Variants in MAP4K3 observed in about 807,000 individuals in gnomAD.
The protein encoded by MAP4K3 is mitogen-activated protein kinase kinase kinase kinase 3.
MAP4K3 carries 94 observed loss-of-function variants against 143.5 expected under a neutral mutation model. That is an observed-to-expected ratio of 0.65 (90% CI 0.55 to 0.78). MAP4K3 has a LOEUF of 0.78. Among genes scored for constraint, MAP4K3 ranks in the 30% least tolerant of loss-of-function variants. The probability of loss-of-function intolerance (pLI) is 0.00; values close to 1 mark genes in which losing one functional copy is unlikely to be tolerated. For missense variants in MAP4K3, 1,077 were observed against 1,068.1 expected (o/e 1.01, Z -0.12); for synonymous variants, 416 against 347.2 (o/e 1.20, Z -2.20).
Position 39,340,860 on chromosome 2 carries a change from A to G in MAP4K3, c.310+2528T>C, listed in dbSNP as rs369057578. ...GTTCTAATACAGCTGTAAAATCAGTAAACTGGAAGATAGATATGAGTATCT... is the reference window on the plus strand; with the variant it reads ...GTTCTAATACAGCTGTAAAATCAGTGAACTGGAAGATAGATATGAGTATCT... On this transcript the variant is annotated intron_variant, in intron 4 of 33. Transcript: ENST00000263881. 5.3e-5 allele frequency among the ~76,000 whole-genome samples: 8 copies of G among 152,326 alleles called. No homozygotes were observed. The East Asian group carries it at 1.2e-3, about 22-fold the overall frequency.
At chr2:39,295,083 T>C (rs1026960941) in intron 16 of MAP4K3, among the ~76,000 whole-genome samples, 1 of 151,940 alleles carries the variant, frequency 6.6e-6, no homozygotes, top group Non-Finnish European at 1.5e-5. Flanking sequence ...ACTAATATTA[T>C]TTTGTCTCAT....
intron 13 of MAP4K3, among the ~76,000 whole-genome samples, chr2:39,312,912 GC>G (rs1436339767): frequency 6.6e-6 from 1 of 152,144 alleles, no homozygotes; most frequent in Non-Finnish European, 1.5e-5. Context: ...CTGTGAACAT[GC>G]CCATTTCTCC....
At chr2:39,382,052 T>C (rs1014980543) in intron 1 of MAP4K3, among the ~76,000 whole-genome samples, 1 of 152,216 alleles carries the variant, frequency 6.6e-6, no homozygotes, top group Non-Finnish European at 1.5e-5. Flanking sequence ...TCTGGGAAAG[T>C]ACTAACTTTC....
Position 39,325,601 on chromosome 2 carries a change from G to C in MAP4K3, c.835C>G (p.Arg279Gly). Residue 279 changes from arginine to glycine, a missense_variant, in exon 12 of 34, where the codon CGG becomes GGG. By Grantham distance (125) the Arg-to-Gly change is moderately radical. Coordinates refer to ENST00000263881, the MANE Select transcript of MAP4K3 (RefSeq NM_003618.4). ...TCCAACAGCTCGATTGCCAAAGACC[G>C]TGTCAAATGTTGTGTTACAAAAGGA... Reference protein sequence around the residue: ...QHPFVTQHLTRSLAIELLDKV... With the variant: ...QHPFVTQHLTGSLAIELLDKV... 1 of 1,612,974 alleles carries C rather than the reference G, an allele frequency of 6.2e-7. No individual in the cohort carries two copies. The highest frequency in any genetic ancestry group is 8.5e-7 in the Non-Finnish European group (1 of 1,179,454).
intron 24 of MAP4K3, among the ~76,000 whole-genome samples, chr2:39,277,476 C>T (rs1377370499): frequency 1.3e-5 from 2 of 152,176 alleles, no homozygotes; most frequent in East Asian, 3.8e-4. Flanking sequence ...GGTTTATACA[C>T]CTGTTTTCCC....
chr2:39,271,100 T>C (rs1327451202), intron 26 of MAP4K3, among the ~76,000 whole-genome samples: 1 of 152,148 alleles, frequency 6.6e-6, no homozygotes, highest in Non-Finnish European at 1.5e-5. Flanking sequence ...TGATCCAGGA[T>C]TTAAATTCAA....
chr2:39,331,953 A>G lies in MAP4K3; in HGVS notation c.494T>C (p.Ile165Thr). The change falls in exon 8 of 34, where the codon ATT becomes ACT. Residue 165 changes from isoleucine (I) to threonine (T), a missense_variant. Transcript: ENST00000263881. Reference sequence around the variant, plus strand: ...GCCAATGAAAGACTTCCGTTTGGCAATTGTAGCTGTTATCTGTGCAGATAC... The same window carrying G: ...GCCAATGAAAGACTTCCGTTTGGCAGTTGTAGCTGTTATCTGTGCAGATAC... ...FGVSAQITAT[I>T]AKRKSFIGTP... is the part of the protein sequence containing the mutation. 1 of 1,574,572 alleles carries G rather than the reference A, an allele frequency of 6.4e-7. No individual in the cohort carries two copies. The highest frequency in any genetic ancestry group is 8.7e-7 in the Non-Finnish European group (1 of 1,154,580).
At chr2:39,373,177 T>C (rs896748691) in intron 2 of MAP4K3, among the ~76,000 whole-genome samples, 38 of 152,194 alleles carry the variant, frequency 2.5e-4, no homozygotes, top group African/African-American at 8.7e-4. Flanking sequence ...CAAACAGGTA[T>C]ATGAAAAGGT....
chr2:39,325,001 G>A (rs1307862947), intron 12 of MAP4K3, among the ~76,000 whole-genome samples: 1 of 151,906 alleles, frequency 6.6e-6, no homozygotes, highest in Non-Finnish European at 1.5e-5. Context: ...TTTAAAGATA[G>A]AAACGGGGTC....
At chr2:39,278,986 T>C (rs1681393539) in intron 23 of MAP4K3, among the ~76,000 whole-genome samples, 1 of 152,230 alleles carries the variant, frequency 6.6e-6, no homozygotes, top group Non-Finnish European at 1.5e-5. Context: ...GGGTACTCAG[T>C]ATCTTCTAAA....
chr2:39,346,725 T>G (rs1478403368), intron 3 of MAP4K3, among the ~76,000 whole-genome samples: 1 of 152,190 alleles, frequency 6.6e-6, no homozygotes, highest in African/African-American at 2.4e-5. Flanking sequence ...ATAAACTATT[T>G]TAATCTGCAC....
chr2:39,365,977 A>G (rs970359175), intron 2 of MAP4K3, among the ~76,000 whole-genome samples: 2 of 152,264 alleles, frequency 1.3e-5, no homozygotes, highest in East Asian at 1.9e-4. Flanking sequence ...TTCAAAATAC[A>G]TAATTTCTAA....
At chr2:39,250,811 C>T in intron 33 of MAP4K3, 106 bp from the exon 34 acceptor site, 1 of 798,136 alleles carries the variant, frequency 1.3e-6, no homozygotes, top group Non-Finnish European at 2.1e-6. Context: ...ATAAATGCTG[C>T]TCATTTGATC....
chr2:39,263,778 A>C (rs921922388), intron 28 of MAP4K3, among the ~76,000 whole-genome samples: 2 of 152,172 alleles, frequency 1.3e-5, no homozygotes, highest in African/African-American at 2.4e-5. Context: ...AGCCAGGCCA[A>C]GCACCCTGGT....
At chr2:39,301,246 GA>G (rs1682499931) in intron 15 of MAP4K3, among the ~76,000 whole-genome samples, 1 of 152,140 alleles carries the variant, frequency 6.6e-6, no homozygotes, top group South Asian at 2.1e-4. Context: ...ATCAGTGTGA[GA>G]AAAGATAACA....
chr2:39,337,241 T>C (rs1352448056), intron 5 of MAP4K3, among the ~76,000 whole-genome samples: 1 of 152,172 alleles, frequency 6.6e-6, no homozygotes, highest in Non-Finnish European at 1.5e-5. Context: ...TGAATTCCCA[T>C]GATAGTGCTT....
chr2:39,281,151 G>A (rs12617901), intron 22 of MAP4K3, among the ~76,000 whole-genome samples: 110,324 of 152,062 alleles, frequency 0.73, 43,281 homozygotes, highest in Non-Finnish European at 0.87. Flanking sequence ...AATATTTTTG[G>A]TCAGAGAAAA....
chr2:39,302,516 T>A (rs1682551159), intron 15 of MAP4K3, among the ~76,000 whole-genome samples: 1 of 152,200 alleles, frequency 6.6e-6, no homozygotes, highest in Non-Finnish European at 1.5e-5. Context: ...AGTAGTTCAT[T>A]ATATGTCGTT....
intron 12 of MAP4K3, among the ~76,000 whole-genome samples, chr2:39,317,343 T>C (rs1016389490): frequency 1.2e-4 from 19 of 152,060 alleles, no homozygotes; most frequent in Non-Finnish European, 2.9e-5. Context: ...ATTCCAGACA[T>C]AGACATAAGC....
Sources: allele counts gnomAD v4.1 joint callset (sites outside exome capture counted in the v4.1 genomes callset), GRCh38; gene constraint gnomAD v4.1.1; transcripts MANE v1.5; gene names NCBI Gene and HGNC (gene_info 2026-07-23, HGNC 2026-07-21).